The following ACOXL variants were observed in gnomAD, a reference collection of about 807,000 sequenced individuals.
The protein encoded by ACOXL is acyl-coenzyme A oxidase-like protein.
In ACOXL, 70 loss-of-function variants were observed where a neutral mutation model predicts 71.9. The ratio of observed to expected loss-of-function variants is 0.97; its 90% CI spans 0.80 to 1.19. The LOEUF (loss-of-function observed/expected upper bound fraction) is 1.19. ACOXL is among the 50% of genes most tolerant of loss of function. The pLI is 0.00. For missense variants in ACOXL, 703 were observed against 736.3 expected, an observed-to-expected ratio of 0.95 and a Z score of 0.52; for synonymous variants, 253 against 281.6, an observed-to-expected ratio of 0.90 and a Z score of 1.02.
chr2:111,070,624 C>T lies in ACOXL; in HGVS notation c.1440+21336C>T, dbSNP rs142967137. On this transcript the variant is annotated intron_variant, in intron 16 of 17. Transcript: ENST00000439055. ...AGTTTACCTATATTACAAACCTGCA[C>T]ATGTACCCACGATCCTAAAATAAAA... 5.1e-3 allele frequency among the ~76,000 whole-genome samples: 769 copies of T among 152,178 alleles called. 3 individuals are homozygous for T. The highest frequency in any genetic ancestry group is 9.0e-3 in the Admixed American group (137 of 15,284).
At chr2:110,733,462 C>T (rs1222375851) in intron 1 of ACOXL, among the ~76,000 whole-genome samples, 1 of 152,126 alleles carries the variant, frequency 6.6e-6, no homozygotes, top group Non-Finnish European at 1.5e-5. Flanking sequence ...TTCGTGTCTC[C>T]TGTGGGCTCT....
chr2:111,069,145 C>CTTTTTTTT (rs1234410019), intron 16 of ACOXL, among the ~76,000 whole-genome samples: 14 of 135,298 alleles, frequency 1.0e-4, no homozygotes, highest in Non-Finnish European at 1.1e-4. Context: ...TCTTCTTTTT[C>CTTTTTTTT]TTTTTTTTTT....
intron 16 of ACOXL, among the ~76,000 whole-genome samples, chr2:111,076,957 C>T (rs1574685665): frequency 6.6e-6 from 1 of 152,288 alleles, no homozygotes; most frequent in Non-Finnish European, 1.5e-5. Flanking sequence ...TGAAATCTCT[C>T]TCTTATAAAG....
chr2:110,759,049 A>G (rs895286518), intron 1 of ACOXL, among the ~76,000 whole-genome samples: 1 of 152,154 alleles, frequency 6.6e-6, no homozygotes, highest in Non-Finnish European at 1.5e-5. Flanking sequence ...ATTGTTTGTT[A>G]TGATTTCAGT....
chr2:110,891,907 C>T (rs184488427), intron 10 of ACOXL, among the ~76,000 whole-genome samples: 394 of 152,008 alleles, frequency 2.6e-3, no homozygotes, highest in African/African-American at 9.1e-3. Flanking sequence ...CCTCCCGAAG[C>T]CTTTTTGAAA....
chr2:110,923,339 G>C (rs938267404), intron 11 of ACOXL, among the ~76,000 whole-genome samples: 10 of 151,802 alleles, frequency 6.6e-5, no homozygotes, highest in African/African-American at 2.4e-4. Context: ...CTCTACTAAG[G>C]GTGTCACATC....
chr2:111,064,700 G>A (rs1294696994), intron 16 of ACOXL, among the ~76,000 whole-genome samples: 1 of 152,100 alleles, frequency 6.6e-6, no homozygotes, highest in Non-Finnish European at 1.5e-5. Flanking sequence ...GGATATGGAG[G>A]ACTGACTTTA....
chr2:110,777,204 T>C (rs1244090461), intron 2 of ACOXL, among the ~76,000 whole-genome samples: 1 of 151,938 alleles, frequency 6.6e-6, no homozygotes, highest in East Asian at 1.9e-4. Context: ...TAGAGATGAA[T>C]TTAGAGCCAT....
At chr2:110,919,731 A>T (rs146562380) in intron 11 of ACOXL, among the ~76,000 whole-genome samples, 2 of 152,194 alleles carry the variant, frequency 1.3e-5, no homozygotes, top group African/African-American at 4.8e-5. Context: ...ACTTCTTCCC[A>T]CAGTCTTACC....
chr2:110,848,819 T>G (rs1357958448), intron 10 of ACOXL, among the ~76,000 whole-genome samples: 1 of 152,156 alleles, frequency 6.6e-6, no homozygotes, highest in African/African-American at 2.4e-5. Flanking sequence ...GACCAGAGGA[T>G]CTTTCGCAAA....
chr2:110,759,217 G>A lies in ACOXL; in HGVS notation c.-22-9151G>A, dbSNP rs188846911. 1.0e-3 allele frequency among the ~76,000 whole-genome samples: 156 copies of A among 152,212 alleles called. 1 individual carries two copies. The highest frequency in any genetic ancestry group is 3.6e-3 in the African/African-American group (149 of 41,548). ...TACTTGATCCTGAGGTTGAGTTCAG[G>A]TCCTAAATATCTTTGTTAATTTTCT... On this transcript the variant is annotated intron_variant, in intron 1 of 17. Coordinates refer to ENST00000439055, the MANE Select transcript of ACOXL (RefSeq NM_001142807.4).
intron 12 of ACOXL, among the ~76,000 whole-genome samples, chr2:110,977,299 T>C (rs527754816): frequency 2.7e-5 from 4 of 150,818 alleles, no homozygotes; most frequent in Admixed American, 6.6e-5. Context: ...GGCAGGAGAA[T>C]GGCATGAACC....
At chr2:111,025,956 T>C (rs2065000251) in intron 14 of ACOXL, among the ~76,000 whole-genome samples, 2 of 152,216 alleles carry the variant, frequency 1.3e-5, no homozygotes, top group Admixed American at 1.3e-4. Flanking sequence ...ATAAGGTTCA[T>C]TTATTTCTTT....
intron 16 of ACOXL, among the ~76,000 whole-genome samples, chr2:111,091,059 C>G (rs2068497321): frequency 6.6e-6 from 1 of 152,158 alleles, no homozygotes; most frequent in Non-Finnish European, 1.5e-5. Context: ...CTGCTCCCTG[C>G]TTGCCTCACT....
intron 14 of ACOXL, among the ~76,000 whole-genome samples, chr2:111,028,093 T>G (rs2065097748): frequency 6.6e-6 from 1 of 151,554 alleles, no homozygotes; most frequent in African/African-American, 2.4e-5. Flanking sequence ...AAGGCTGAGG[T>G]TGGGAGGATT....
chr2:110,897,156 A>T (rs2059043838), intron 10 of ACOXL, among the ~76,000 whole-genome samples: 1 of 152,196 alleles, frequency 6.6e-6, no homozygotes, highest in South Asian at 2.1e-4. Flanking sequence ...TCTCAGGAAA[A>T]TTTTTAAAAA....
At chr2:111,030,237 C>T (rs2065202087) in intron 14 of ACOXL, among the ~76,000 whole-genome samples, 1 of 152,156 alleles carries the variant, frequency 6.6e-6, no homozygotes, top group African/African-American at 2.4e-5. Context: ...CATCTCCTTC[C>T]AGAACTTCCA....
At chr2:110,867,021 C>A (rs13424637) in intron 10 of ACOXL, among the ~76,000 whole-genome samples, 1 of 151,964 alleles carries the variant, frequency 6.6e-6, no homozygotes, top group Non-Finnish European at 1.5e-5. Context: ...AGGGTAGGAA[C>A]GCCCTGCAGA....
At chr2:111,023,440 G>A (rs142278264) in intron 14 of ACOXL, among the ~76,000 whole-genome samples, 408 of 152,198 alleles carry the variant, frequency 2.7e-3, no homozygotes, top group Non-Finnish European at 4.4e-3. Flanking sequence ...TGCTCATCCT[G>A]TTTTAATCAA....
Sources: gnomAD v4.1 joint callset for allele counts (sites outside exome capture counted in the v4.1 genomes callset) on GRCh38, gnomAD v4.1.1 for gene constraint, MANE v1.5 for transcripts, NCBI Gene and HGNC (gene_info 2026-07-23, HGNC 2026-07-21) for gene names.